Variants in ELMOD1 observed in about 807,000 individuals in gnomAD.
The protein encoded by ELMOD1 is ELMO domain-containing protein 1.
Under a neutral mutation model 46.7 loss-of-function variants are expected in ELMOD1, and 21 were observed. That is an observed-to-expected ratio of 0.45 (90% CI 0.32 to 0.65). The LOEUF is 0.65. Among genes scored for constraint, ELMOD1 ranks in the 30% least tolerant of loss-of-function variants. ELMOD1 has a pLI of 0.04. For missense variants in ELMOD1, 348 were observed against 407.8 expected (o/e 0.85, Z 1.26); for synonymous variants, 122 against 138.2 (o/e 0.88, Z 0.82).
intron 5 of ELMOD1, among the ~76,000 whole-genome samples, chr11:107,634,120 T>C (rs1395732014): frequency 2.6e-5 from 4 of 152,064 alleles, no homozygotes; most frequent in Non-Finnish European, 5.9e-5. Context: ...TCAAACATGC[T>C]CAAAGTCCAT....
At chr11:107,648,965 AT>A (rs1866479609) in intron 7 of ELMOD1, among the ~76,000 whole-genome samples, 1 of 152,076 alleles carries the variant, frequency 6.6e-6, no homozygotes, top group East Asian at 1.9e-4. Context: ...CAGTGATATT[AT>A]TTTTAAAAGA....
At chr11:107,646,657 C>A (rs902260973) in intron 6 of ELMOD1, among the ~76,000 whole-genome samples, 4 of 152,040 alleles carry the variant, frequency 2.6e-5, no homozygotes, top group Admixed American at 2.6e-4. Context: ...ATCACTTGAA[C>A]CCAGGAGGTG....
chr11:107,633,803 A>T (rs1866182356), intron 5 of ELMOD1, among the ~76,000 whole-genome samples: 1 of 152,030 alleles, frequency 6.6e-6, no homozygotes, highest in Admixed American at 6.6e-5. Context: ...CCTCAAAATT[A>T]ACGCTATTCT....
At chr11:107,621,444 C>T (rs1279155456) in intron 2 of ELMOD1, among the ~76,000 whole-genome samples, 1 of 152,210 alleles carries the variant, frequency 6.6e-6, no homozygotes, top group East Asian at 1.9e-4. Flanking sequence ...TTAAGTCATT[C>T]ATACTTGATT....
chr11:107,604,543 T>G lies in ELMOD1; in HGVS notation c.-86+13134T>G, dbSNP rs73557734. Among the ~76,000 whole-genome samples, 759 of 152,266 alleles carry G rather than the reference T, an allele frequency of 5.0e-3. 6 individuals carry two copies. Among genetic ancestry groups the G allele is most frequent in the African/African-American group, 0.018 (737 of 41,552 alleles). The stretch of plus-strand genomic sequence containing the variant: ...CTATGTTTCATTGATTCTAAGATAC[T>G]TTTTTCCCCCACATCACTAAAATTA... On this transcript the variant is annotated intron_variant, in intron 1 of 11. Transcript: ENST00000265840.
intron 1 of ELMOD1, among the ~76,000 whole-genome samples, chr11:107,612,164 T>C (rs1253860501): frequency 2.0e-5 from 3 of 152,198 alleles, no homozygotes; most frequent in Non-Finnish European, 4.4e-5. Context: ...ATGTATACCA[T>C]AGAATACTAC....
intron 11 of ELMOD1, among the ~76,000 whole-genome samples, chr11:107,656,420 TTA>T (rs113841675): frequency 0.24 from 35,252 of 146,784 alleles, 8,564 homozygotes; most frequent in African/African-American, 0.62. Context: ...ATTATATATA[TTA>T]TATATATAAA....
In ELMOD1 at chr11:107,666,758, C is replaced by T. The variant is rs942460541; in HGVS notation, c.*1561C>T. On this transcript the variant is annotated 3_prime_UTR_variant, in exon 12 of 12. Coordinates refer to ENST00000265840, the MANE Select transcript of ELMOD1 (RefSeq NM_018712.4). Reference sequence around the variant, plus strand: ...AATTGTCAGTTATATGAATAAATTACATGTCATTCTACTGTAACGTATATT... The same window carrying T: ...AATTGTCAGTTATATGAATAAATTATATGTCATTCTACTGTAACGTATATT... The T allele has an allele frequency of 2.0e-5, 3 of 152,552 alleles. No individual in the cohort carries two copies. Among genetic ancestry groups the T allele is most frequent in the African/African-American group, 7.2e-5 (3 of 41,434 alleles). 9.4% of individuals were successfully genotyped at this position (152,552 alleles called of 1,614,324 possible).
At chr11:107,662,784 G>A (rs1168952738) in intron 11 of ELMOD1, among the ~76,000 whole-genome samples, 1 of 152,004 alleles carries the variant, frequency 6.6e-6, no homozygotes, top group Admixed American at 6.6e-5. Context: ...AATGAGCCAG[G>A]CATGGTGGCA....
intron 1 of ELMOD1, among the ~76,000 whole-genome samples, chr11:107,598,110 C>G (rs1361799682): frequency 6.6e-6 from 1 of 152,048 alleles, no homozygotes; most frequent in African/African-American, 2.4e-5. Flanking sequence ...AATCTCTTTT[C>G]CATGTTGAGG....
intron 10 of ELMOD1, among the ~76,000 whole-genome samples, chr11:107,655,684 A>G (rs1217545289): frequency 6.7e-6 from 1 of 148,406 alleles, no homozygotes; most frequent in Non-Finnish European, 1.5e-5. Context: ...CTGGTTGGCT[A>G]TTTTTATGGT....
intron 6 of ELMOD1, 150 bp downstream of exon 6, chr11:107,635,915 G>A (rs971381218): frequency 2.5e-4 from 184 of 743,754 alleles, no homozygotes; most frequent in Admixed American, 3.9e-4. Flanking sequence ...AAGTTTTCTC[G>A]CTGGTTCAGG....
At chr11:107,616,553 A>G (rs1168429704) in intron 1 of ELMOD1, among the ~76,000 whole-genome samples, 1 of 151,756 alleles carries the variant, frequency 6.6e-6, no homozygotes, top group African/African-American at 2.4e-5. Flanking sequence ...CAATTTCTGT[A>G]TTTTTAGTAG....
At chr11:107,611,886 C>G (rs1339815313) in intron 1 of ELMOD1, among the ~76,000 whole-genome samples, 1 of 151,936 alleles carries the variant, frequency 6.6e-6, no homozygotes, top group African/African-American at 2.4e-5. Flanking sequence ...GCTGGCAAGG[C>G]TGGGAGAAAA....
At chr11:107,602,529 A>G (rs1317145543) in intron 1 of ELMOD1, among the ~76,000 whole-genome samples, 1 of 152,058 alleles carries the variant, frequency 6.6e-6, no homozygotes, top group Non-Finnish European at 1.5e-5. Context: ...CTCAAATTTG[A>G]TAGATATTTT....
intron 11 of ELMOD1, 123 bp from the exon 12 acceptor site, chr11:107,664,899 GTCT>G (rs1267349177): frequency 6.1e-6 from 5 of 820,074 alleles, no homozygotes; most frequent in South Asian, 1.8e-5. Flanking sequence ...AGATTTTGAG[GTCT>G]TCTTTGAGCT....
intron 2 of ELMOD1, among the ~76,000 whole-genome samples, chr11:107,622,754 G>C (rs542628983): frequency 2.0e-5 from 3 of 152,166 alleles, no homozygotes; most frequent in Non-Finnish European, 4.4e-5. Flanking sequence ...CATTGCTTGA[G>C]GCATTGACTG....
intron 5 of ELMOD1, among the ~76,000 whole-genome samples, chr11:107,633,025 T>A (rs570159446): frequency 3.3e-5 from 5 of 152,364 alleles, no homozygotes; most frequent in African/African-American, 1.2e-4. Context: ...AAATGTTGTA[T>A]AAAATTACCT....
chr11:107,631,943 G>T (rs986727314), intron 5 of ELMOD1, among the ~76,000 whole-genome samples: 1 of 152,162 alleles, frequency 6.6e-6, no homozygotes, highest in Non-Finnish European at 1.5e-5. Context: ...AGAGAAAGAT[G>T]AACCCATTCA....
Sources: gnomAD v4.1 joint callset for allele counts (sites outside exome capture counted in the v4.1 genomes callset) on GRCh38, gnomAD v4.1.1 for gene constraint, MANE v1.5 for transcripts, NCBI Gene and HGNC (gene_info 2026-07-23, HGNC 2026-07-21) for gene names.